CDH13: variants seen among roughly 807,000 people sequenced by gnomAD.
CDH13 encodes cadherin-13.
In CDH13, 24 loss-of-function variants were observed where a neutral mutation model predicts 63.8. The ratio of observed to expected loss-of-function variants is 0.38; its 90% CI spans 0.27 to 0.53. The LOEUF (loss-of-function observed/expected upper bound fraction) is 0.53, where lower values mean the gene tolerates loss of function less well. Ranked by LOEUF, CDH13 falls within the 20% of genes least tolerant of loss-of-function variation. CDH13 has a pLI of 0.85. For synonymous variants in CDH13, 503 were observed against 355.3 expected, an observed-to-expected ratio of 1.42 and a Z score of -4.67; for missense variants, 1,049 against 903.1, an observed-to-expected ratio of 1.16 and a Z score of -2.07.
chr16:83,522,971 C>A (rs2074874835), intron 7 of CDH13, among the ~76,000 whole-genome samples: 1 of 152,176 alleles, frequency 6.6e-6, no homozygotes. Flanking sequence ...GTTCCCTCTG[C>A]CTAGAACTTT....
intron 4 of CDH13, among the ~76,000 whole-genome samples, chr16:83,202,714 T>C (rs1237985899): frequency 6.6e-5 from 10 of 152,184 alleles, no homozygotes; most frequent in Non-Finnish European, 1.0e-4. Flanking sequence ...AGCCAGAAAG[T>C]CTTCAGTTGT....
intron 4 of CDH13, among the ~76,000 whole-genome samples, chr16:83,213,992 C>T (rs2039417444): frequency 6.6e-6 from 1 of 151,944 alleles, no homozygotes; most frequent in Admixed American, 6.6e-5. Context: ...GTAAAGTGGG[C>T]CAATCAGCAC....
chr16:83,061,597 G>A (rs2031555507), intron 3 of CDH13, among the ~76,000 whole-genome samples: 1 of 152,118 alleles, frequency 6.6e-6, no homozygotes, highest in Non-Finnish European at 1.5e-5. Context: ...AGGATTCAGG[G>A]CACCCAATGC....
intron 7 of CDH13, among the ~76,000 whole-genome samples, chr16:83,579,243 C>A (rs1430163520): frequency 1.3e-5 from 2 of 152,142 alleles, no homozygotes; most frequent in African/African-American, 4.8e-5. Flanking sequence ...GAGTGAATCA[C>A]CCCAGGGAGA....
At chr16:83,109,306 C>T (rs2034947562) in intron 3 of CDH13, among the ~76,000 whole-genome samples, 1 of 152,008 alleles carries the variant, frequency 6.6e-6, no homozygotes, top group Non-Finnish European at 1.5e-5. Flanking sequence ...TGGTGGGAAC[C>T]AAAGAAGCCT....
At chr16:83,339,300 T>C (rs1321833432) in intron 5 of CDH13, among the ~76,000 whole-genome samples, 2 of 152,174 alleles carry the variant, frequency 1.3e-5, no homozygotes, top group Non-Finnish European at 2.9e-5. Context: ...ATGATAAACA[T>C]GCAACTGTAT....
chr16:82,830,602 C>G (rs1382687703), intron 1 of CDH13, among the ~76,000 whole-genome samples: 2 of 152,180 alleles, frequency 1.3e-5, no homozygotes, highest in South Asian at 2.1e-4. Flanking sequence ...TCACACTCAT[C>G]TTATTTGTAA....
chr16:82,750,844 G>C (rs1189251824), intron 1 of CDH13, among the ~76,000 whole-genome samples: 1 of 152,102 alleles, frequency 6.6e-6, no homozygotes, highest in Non-Finnish European at 1.5e-5. Context: ...ATGGTTGAGT[G>C]CATTCTTCCG....
chr16:83,243,091 CT>C (rs1904628754), intron 5 of CDH13, among the ~76,000 whole-genome samples: 1 of 152,174 alleles, frequency 6.6e-6, no homozygotes, highest in African/African-American at 2.4e-5. Context: ...GACTGGAACC[CT>C]GGCCACTTGA....
chr16:83,221,754 G>T (rs955789154), intron 5 of CDH13, among the ~76,000 whole-genome samples: 26 of 152,100 alleles, frequency 1.7e-4, no homozygotes, highest in Admixed American at 3.3e-4. Context: ...CTTGGCAGGA[G>T]ACCTTCACAC....
chr16:83,719,750 A>G lies in CDH13; in HGVS notation c.1539-28358A>G, dbSNP rs1559320. On this transcript the variant is annotated intron_variant, in intron 10 of 13. Transcript: ENST00000567109. ...ATGTCCTCAGATACCATTATACCAG[A>G]TGCCATTCCTTAAGCCCCTGAGTAC... Among the ~76,000 whole-genome samples the G allele has an allele frequency of 3.2e-3, 492 of 152,220 alleles. 3 individuals are homozygous for G. Among genetic ancestry groups the G allele is most frequent in the African/African-American group, 0.011 (463 of 41,522 alleles).
intron 4 of CDH13, among the ~76,000 whole-genome samples, chr16:83,184,060 G>A (rs2038432462): frequency 6.8e-6 from 1 of 147,084 alleles, no homozygotes; most frequent in African/African-American, 2.5e-5. Flanking sequence ...GTTGCCATTG[G>A]TCAGCCATCT....
chr16:83,794,626 C>CATATATATATATAT (rs34550866), intron 13 of CDH13, among the ~76,000 whole-genome samples: 3 of 149,206 alleles, frequency 2.0e-5, no homozygotes, highest in African/African-American at 7.4e-5. Context: ...CTTAAGTCAA[C>CATATATATATATAT]ATATATATAT....
At chr16:83,163,244 C>A (rs913433557) in intron 4 of CDH13, among the ~76,000 whole-genome samples, 1 of 151,974 alleles carries the variant, frequency 6.6e-6, no homozygotes, top group African/African-American at 2.4e-5. Flanking sequence ...TGCCCAATCT[C>A]GAGTATGTCT....
chr16:83,446,590 A>G (rs986600780), intron 6 of CDH13, among the ~76,000 whole-genome samples: 2 of 152,220 alleles, frequency 1.3e-5, no homozygotes, highest in African/African-American at 4.8e-5. Context: ...GGGATTTGGT[A>G]CCATTAAACT....
At chr16:83,277,458 T>A (rs1273286118) in intron 5 of CDH13, among the ~76,000 whole-genome samples, 6 of 152,154 alleles carry the variant, frequency 3.9e-5, no homozygotes, top group Admixed American at 3.9e-4. Flanking sequence ...ACAATTCAGT[T>A]TGGGAATCCT....
At chr16:83,396,153 C>T (rs1285042182) in intron 6 of CDH13, among the ~76,000 whole-genome samples, 3 of 152,158 alleles carry the variant, frequency 2.0e-5, no homozygotes, top group Non-Finnish European at 4.4e-5. Flanking sequence ...CATAGTATTC[C>T]GTGGTGTATA....
chr16:83,793,021 G>C (rs536314655), intron 13 of CDH13, among the ~76,000 whole-genome samples: 4 of 152,300 alleles, frequency 2.6e-5, no homozygotes, highest in African/African-American at 9.6e-5. Flanking sequence ...ATGGAGGCAG[G>C]ACTAGGGTAT....
Position 83,796,040 on chromosome 16 carries a change from AG to A in CDH13, c.*1012del, listed in dbSNP as rs1330792757. The A allele has an allele frequency of 2.6e-5, 4 of 152,668 alleles. No homozygotes were observed. In the East Asian group the frequency reaches 7.7e-4, roughly 29 times the overall value. 9.5% of individuals were successfully genotyped at this position (152,668 alleles called of 1,614,324 possible). On this transcript the variant is annotated 3_prime_UTR_variant, in exon 14 of 14. Transcript: ENST00000567109. ...TTCACGCTGTTTGTTTCATATATAC[AG>A]GCATAAAATAGAGTAAATACAGGTA...
Sources: gnomAD v4.1 joint callset for allele counts (sites outside exome capture counted in the v4.1 genomes callset) on GRCh38, gnomAD v4.1.1 for gene constraint, MANE v1.5 for transcripts, NCBI Gene and HGNC (gene_info 2026-07-23, HGNC 2026-07-21) for gene names.